The following ADAMTS17 variants were observed in gnomAD, a reference collection of about 807,000 sequenced individuals.
ADAMTS17 encodes ADAM metallopeptidase with thrombospondin type 1 motif 17.
In ADAMTS17, 113 loss-of-function variants were observed where a neutral mutation model predicts 141.5. That is an observed-to-expected ratio of 0.80 (90% CI 0.69 to 0.93). ADAMTS17 has a LOEUF of 0.93. Ranked by LOEUF, ADAMTS17 falls within the 40% of genes least tolerant of loss-of-function variation. The pLI, the probability that ADAMTS17 is intolerant of heterozygous loss-of-function variation, is 0.00. For synonymous variants in ADAMTS17, 768 were observed against 630.6 expected (o/e 1.22, Z -3.27); for missense variants, 1,659 against 1,517.9 (o/e 1.09, Z -1.54).
rs716472 is a variant in ADAMTS17, at chr15:100,053,689, G to A, written c.2295+208C>T. Among the ~76,000 whole-genome samples the A allele has an allele frequency of 0.051, 7,835 of 152,194 alleles. 274 individuals are homozygous for A. The highest frequency in any genetic ancestry group is 0.097 in the South Asian group (468 of 4,820). ...AGGGAAGAGCCAGGGGAAGCAATGA[G>A]AGAATTCTGAAGCAAGTTGTGCAAG... On this transcript the variant is annotated intron_variant, in intron 16 of 21. Transcript: ENST00000268070.
chr15:100,329,089 T>C (rs8034205), intron 3 of ADAMTS17, among the ~76,000 whole-genome samples: 41,098 of 152,040 alleles, frequency 0.27, 6,471 homozygotes, highest in East Asian at 0.47. Context: ...TGGTTCTCTG[T>C]GGGTGGGACC....
intron 8 of ADAMTS17, among the ~76,000 whole-genome samples, chr15:100,190,138 T>A (rs2040864378): frequency 6.6e-6 from 1 of 152,182 alleles, no homozygotes; most frequent in African/African-American, 2.4e-5. Flanking sequence ...AGCGACTCGC[T>A]AAGAAAATGA....
intron 15 of ADAMTS17, among the ~76,000 whole-genome samples, chr15:100,084,633 T>G (rs1255942899): frequency 1.3e-5 from 2 of 152,132 alleles, no homozygotes; most frequent in African/African-American, 2.4e-5. Context: ...TGGGTACTCC[T>G]CCAAGACAGA....
At chr15:100,115,535 C>T (rs2037061781) in intron 13 of ADAMTS17, among the ~76,000 whole-genome samples, 1 of 152,188 alleles carries the variant, frequency 6.6e-6, no homozygotes, top group South Asian at 2.1e-4. Flanking sequence ...CAATTTAGAG[C>T]ATCACATGTT....
At chr15:100,340,212 T>A (rs1297701918) in intron 2 of ADAMTS17, among the ~76,000 whole-genome samples, 1 of 152,202 alleles carries the variant, frequency 6.6e-6, no homozygotes, top group Non-Finnish European at 1.5e-5. Flanking sequence ...TGGGCGCCAG[T>A]GTAGCCACAT....
At chr15:100,287,220 A>C (rs1039193047) in intron 3 of ADAMTS17, among the ~76,000 whole-genome samples, 3 of 152,208 alleles carry the variant, frequency 2.0e-5, no homozygotes, top group Admixed American at 6.5e-5. Context: ...GATGGAGCTG[A>C]AAATCTCACT....
intron 7 of ADAMTS17, among the ~76,000 whole-genome samples, chr15:100,248,215 A>G (rs1423877243): frequency 6.6e-6 from 1 of 152,142 alleles, no homozygotes; most frequent in Non-Finnish European, 1.5e-5. Flanking sequence ...CCTTCCATTA[A>G]TTAAAAAATA....
chr15:100,286,712 G>A (rs554132655), intron 3 of ADAMTS17, among the ~76,000 whole-genome samples: 1 of 152,160 alleles, frequency 6.6e-6, no homozygotes, highest in Non-Finnish European at 1.5e-5. Context: ...CCATGCAGAC[G>A]GGAAAAATAC....
chr15:99,986,712 T>C (rs2060594106), intron 20 of ADAMTS17, among the ~76,000 whole-genome samples: 2 of 152,170 alleles, frequency 1.3e-5, no homozygotes, highest in African/African-American at 4.8e-5. Flanking sequence ...ATCCCATCAT[T>C]TCAGTGGTGA....
At chr15:100,221,461 C>G (rs1324166733) in intron 7 of ADAMTS17, among the ~76,000 whole-genome samples, 2 of 152,146 alleles carry the variant, frequency 1.3e-5, no homozygotes, top group Non-Finnish European at 2.9e-5. Context: ...TAAAGTTGTT[C>G]TGAATGGTCA....
chr15:100,223,516 CCCAGGAAG>C (rs2042199318), intron 7 of ADAMTS17, among the ~76,000 whole-genome samples: 1 of 151,998 alleles, frequency 6.6e-6, no homozygotes, highest in Admixed American at 6.6e-5. Flanking sequence ...ATATTGCCTT[CCCAGGAAG>C]CCAGGAGCAG....
chr15:100,182,253 G>A (rs1349975820), intron 8 of ADAMTS17, among the ~76,000 whole-genome samples: 3 of 152,240 alleles, frequency 2.0e-5, no homozygotes, highest in African/African-American at 7.2e-5. Flanking sequence ...GGTGGCAAGA[G>A]AGAGAAGAGC....
chr15:100,065,738 T>C (rs1002188485), intron 15 of ADAMTS17, among the ~76,000 whole-genome samples: 1 of 152,232 alleles, frequency 6.6e-6, no homozygotes, highest in African/African-American at 2.4e-5. Flanking sequence ...AGTTCTGGGA[T>C]ACATGTGCTG....
intron 18 of ADAMTS17, among the ~76,000 whole-genome samples, chr15:100,037,368 T>C (rs2030827082): frequency 6.6e-6 from 1 of 152,184 alleles, no homozygotes; most frequent in African/African-American, 2.4e-5. Flanking sequence ...TTCTGTGTCA[T>C]CTTATTATTG....
chr15:100,268,893 C>T (rs2043809988), intron 4 of ADAMTS17, among the ~76,000 whole-genome samples: 1 of 152,132 alleles, frequency 6.6e-6, no homozygotes, highest in Non-Finnish European at 1.5e-5. Context: ...TAGAAGGTTA[C>T]AGTAACCAAA....
intron 3 of ADAMTS17, among the ~76,000 whole-genome samples, chr15:100,291,766 A>G (rs2142126666): frequency 6.6e-6 from 1 of 152,346 alleles, no homozygotes; most frequent in African/African-American, 2.4e-5. Context: ...GCAAGTTCTC[A>G]TTTATAAGTG....
At chr15:100,102,933 G>T (rs1253818152) in intron 14 of ADAMTS17, among the ~76,000 whole-genome samples, 1 of 152,138 alleles carries the variant, frequency 6.6e-6, no homozygotes, top group Non-Finnish European at 1.5e-5. Context: ...CACAGCTCTC[G>T]GTTTGGGCTG....
chr15:100,202,299 T>G (rs560974853), intron 7 of ADAMTS17, among the ~76,000 whole-genome samples: 5 of 152,330 alleles, frequency 3.3e-5, no homozygotes, highest in Non-Finnish European at 5.9e-5. Flanking sequence ...TTTTCCAAGG[T>G]GCAGATGATT....
chr15:100,227,666 T>C (rs2042352709), intron 7 of ADAMTS17, among the ~76,000 whole-genome samples: 1 of 152,178 alleles, frequency 6.6e-6, no homozygotes, highest in South Asian at 2.1e-4. Flanking sequence ...CCTCACACAG[T>C]AGCTTCCCAG....
Sources: gnomAD v4.1 joint callset for allele counts (sites outside exome capture counted in the v4.1 genomes callset) on GRCh38, gnomAD v4.1.1 for gene constraint, MANE v1.5 for transcripts, NCBI Gene and HGNC (gene_info 2026-07-23, HGNC 2026-07-21) for gene names.